DBT: variants seen among roughly 807,000 people sequenced by gnomAD.
DBT encodes the protein lipoamide acyltransferase component of branched-chain alpha-keto acid dehydrogenase complex, mitochondrial.
A neutral mutation model predicts 51.3 loss-of-function variants in DBT; 40 were observed. That is an observed-to-expected ratio of 0.78 (90% CI 0.61 to 1.02). DBT has a LOEUF of 1.02. DBT is among the 50% of genes least tolerant of loss of function. The probability of loss-of-function intolerance (pLI) is 0.00; values close to 1 mark genes in which losing one functional copy is unlikely to be tolerated. For missense variants in DBT, 510 were observed against 580.2 expected, an observed-to-expected ratio of 0.88 and a Z score of 1.24; for synonymous variants, 181 against 190.4, an observed-to-expected ratio of 0.95 and a Z score of 0.41.
In DBT at chr1:100,217,264, T is replaced by A. The variant is rs137909793; in HGVS notation, c.556-1065A>T. On this transcript the variant is annotated intron_variant, in intron 5 of 10. Transcript: ENST00000370132. ...TTCTATATATTTCTTTCTATATTAT[T>A]AAGAAAAAAATTATTAAAATGCTTT... 9.2e-5 allele frequency among the ~76,000 whole-genome samples: 14 copies of A among 152,228 alleles called. No homozygotes were observed. The East Asian group carries it at 2.5e-3, about 27-fold the overall frequency.
At chr1:100,215,947 A>G in intron 6 of DBT, 36 bp downstream of exon 6, 1 of 1,242,838 alleles carries the variant, frequency 8.0e-7, no homozygotes. Flanking sequence ...AAATAAATGA[A>G]CTATTGCCTT....
chr1:100,247,979 G>A (rs1664645612), intron 1 of DBT, among the ~76,000 whole-genome samples: 1 of 151,856 alleles, frequency 6.6e-6, no homozygotes, highest in African/African-American at 2.4e-5. Flanking sequence ...GCGTGTGCCT[G>A]TAGTCCCAGA....
At chr1:100,215,078 A>G (rs1051889072) in intron 6 of DBT, 95 bp from the exon 7 acceptor site, 1 of 866,882 alleles carries the variant, frequency 1.2e-6, no homozygotes, top group Non-Finnish European at 1.8e-6. Context: ...AAGGTTCTCT[A>G]ATGTCTTTTA....
Position 100,249,826 on chromosome 1 carries a change from C to G in DBT, c.-6G>C, listed in dbSNP as rs757532741. ...AGCATACGGACTGCAGCCATCTTAC[C>G]CCGGAAATGACAACAGTGCCGCAAA... On this transcript the variant is annotated 5_prime_UTR_variant, in exon 1 of 11. Coordinates refer to ENST00000370132, the MANE Select transcript of DBT (RefSeq NM_001918.5). The G allele has an allele frequency of 1.2e-6, 2 of 1,614,186 alleles. No individual in the cohort carries two copies. Among genetic ancestry groups the G allele is most frequent in the Non-Finnish European group, 1.7e-6 (2 of 1,180,008 alleles).
At chr1:100,218,298 C>T (rs770760014) in intron 5 of DBT, among the ~76,000 whole-genome samples, 4 of 152,150 alleles carry the variant, frequency 2.6e-5, no homozygotes, top group Non-Finnish European at 4.4e-5. Flanking sequence ...GTTTTCCCTC[C>T]TTCAAATTCC....
At chr1:100,246,265 T>A (rs962464339) in intron 1 of DBT, among the ~76,000 whole-genome samples, 1 of 151,654 alleles carries the variant, frequency 6.6e-6, no homozygotes, top group African/African-American at 2.4e-5. Flanking sequence ...TCAAAAAAAA[T>A]AAAAATAAAA....
chr1:100,230,828 C>A lies in DBT; in HGVS notation c.338G>T (p.Arg113Leu), dbSNP rs372328685. Residue 113 changes from arginine to leucine, a missense_variant, in exon 4 of 11, where the codon CGT (arginine) becomes CTT (leucine). Physicochemically the swap from Arg to Leu is moderately radical, Grantham distance 102. Coordinates refer to ENST00000370132, the MANE Select transcript of DBT (RefSeq NM_001918.5). ...SDKASVTITSRYDGVIKKLYY... is the reference protein window; with the variant it reads ...SDKASVTITSLYDGVIKKLYY... ...GAGTTTTTTAATGACTCCATCATAA[C>A]GACTAGTGATGGTAACAGAAGCTTT... 1.9e-6 allele frequency: 3 copies of A among 1,599,274 alleles called. No homozygotes were observed. Among genetic ancestry groups the A allele is most frequent in the Non-Finnish European group, 2.6e-6 (3 of 1,166,694 alleles).
chr1:100,219,530 G>A (rs981363184), intron 4 of DBT, among the ~76,000 whole-genome samples: 1 of 152,028 alleles, frequency 6.6e-6, no homozygotes, highest in African/African-American at 2.4e-5. Flanking sequence ...ACTTACTTGA[G>A]CCTAGGAGTT....
At chr1:100,233,821 G>GGA (rs572137189) in intron 3 of DBT, among the ~76,000 whole-genome samples, 126 of 152,248 alleles carry the variant, frequency 8.3e-4, no homozygotes, top group African/African-American at 2.9e-3. Flanking sequence ...CAAAGGTAGA[G>GGA]GAGAACAAAG....
chr1:100,200,791 C>T (rs1661390477), intron 10 of DBT, among the ~76,000 whole-genome samples: 1 of 152,214 alleles, frequency 6.6e-6, no homozygotes, highest in African/African-American at 2.4e-5. Context: ...CCCCAGCAAA[C>T]TCCAGCAGAC....
intron 10 of DBT, among the ~76,000 whole-genome samples, chr1:100,202,519 A>G (rs1316107622): frequency 6.6e-6 from 1 of 152,168 alleles, no homozygotes; most frequent in Non-Finnish European, 1.5e-5. Flanking sequence ...AGACAGAACA[A>G]TGAGACAGAA....
In DBT at chr1:100,187,116, T is replaced by C. The variant is rs1660600139; in HGVS notation, c.*9139A>G. Reference sequence around the variant, plus strand: ...TGAATGAAGTGGTTACCATATTTTTTCCCATTGTGTAAAGATAGTTCTCAT... The same window carrying C: ...TGAATGAAGTGGTTACCATATTTTTCCCCATTGTGTAAAGATAGTTCTCAT... On this transcript the variant is annotated 3_prime_UTR_variant, in exon 11 of 11. Transcript: ENST00000370132. 6.6e-6 allele frequency: 1 copy of C among 152,210 alleles called. No individual in the cohort carries two copies. The highest frequency in any genetic ancestry group is 2.4e-5 in the African/African-American group (1 of 41,458). 9.4% of individuals were successfully genotyped at this position (152,210 alleles called of 1,614,324 possible). A position where few individuals can be genotyped will look rare whatever the true frequency, so the allele number is the denominator to read the frequency against.
intron 4 of DBT, among the ~76,000 whole-genome samples, chr1:100,219,117 C>T (rs1300089118): frequency 6.6e-6 from 1 of 152,062 alleles, no homozygotes; most frequent in Non-Finnish European, 1.5e-5. Context: ...TTTGGGAGGT[C>T]AAGGCAGAAG....
intron 7 of DBT, among the ~76,000 whole-genome samples, chr1:100,212,721 C>T (rs2085889937): frequency 6.6e-6 from 1 of 152,164 alleles, no homozygotes; most frequent in African/African-American, 2.4e-5. Context: ...CAGAAGGAGT[C>T]TGTACCTGAC....
At chr1:100,209,080 T>C (rs1419546163) in intron 8 of DBT, among the ~76,000 whole-genome samples, 2 of 116,510 alleles carry the variant, frequency 1.7e-5, no homozygotes, top group African/African-American at 6.1e-5. Flanking sequence ...TGTTTTCTTT[T>C]TTCTTTTCTT....
At position 100,240,859 on chromosome 1, in the gene DBT, CAT is replaced by C. The variant is rs768832921; in HGVS notation, c.75_76del (p.Cys26TrpfsTer2). Reference sequence around the variant, plus strand: ...TGGCTTCAAAACATGAACATTACCACATGTTTGAAAATAGCGAACACAAATCT... The same window carrying C: ...TGGCTTCAAAACATGAACATTACCACGTTTGAAAATAGCGAACACAAATCT... On this transcript the variant is annotated frameshift_variant, in exon 2 of 11. Transcript: ENST00000370132. LOFTEE classifies it high-confidence loss of function. The C allele has an allele frequency of 5.1e-5, 82 of 1,613,208 alleles. No individual in the cohort carries two copies. Among genetic ancestry groups the C allele is most frequent in the East Asian group, 6.7e-5 (3 of 44,798 alleles).
rs543075641 is a variant in DBT, at chr1:100,191,624, T to C, written c.*4631A>G. The stretch of plus-strand genomic sequence containing the variant: ...GAATGAGGATGGCTGACTCCTAGGC[T>C]CCAAAGGTGACTAAGACTCAAGTGT... On this transcript the variant is annotated 3_prime_UTR_variant, in exon 11 of 11. Coordinates refer to ENST00000370132, the MANE Select transcript of DBT (RefSeq NM_001918.5). The C allele has an allele frequency of 6.6e-6, 1 of 152,334 alleles. No homozygotes were observed. The highest frequency in any genetic ancestry group is 2.4e-5 in the African/African-American group (1 of 41,562). 9.4% of individuals were successfully genotyped at this position (152,334 alleles called of 1,614,324 possible).
intron 4 of DBT, among the ~76,000 whole-genome samples, chr1:100,229,038 C>T (rs1663372569): frequency 6.6e-6 from 1 of 152,144 alleles, no homozygotes; most frequent in Non-Finnish European, 1.5e-5. Context: ...AGTAGGAAGC[C>T]TTCAATAAAT....
chr1:100,219,943 G>A lies in DBT; in HGVS notation c.434-1196C>T, dbSNP rs115986573. ...GAGAATTGCTTGAGGCCAGGAGTTCGAGATCAGCCAGGGCAACATAGGGAG... is the reference window on the plus strand; with the variant it reads ...GAGAATTGCTTGAGGCCAGGAGTTCAAGATCAGCCAGGGCAACATAGGGAG... On this transcript the variant is annotated intron_variant, in intron 4 of 10. Transcript: ENST00000370132. Among the ~76,000 whole-genome samples the A allele has an allele frequency of 3.0e-3, 462 of 152,116 alleles. 5 individuals carry two copies. Among genetic ancestry groups the A allele is most frequent in the Non-Finnish European group, 4.9e-3 (333 of 67,984 alleles).
Sources: allele counts gnomAD v4.1 joint callset (sites outside exome capture counted in the v4.1 genomes callset), GRCh38; gene constraint gnomAD v4.1.1; transcripts MANE v1.5; gene names NCBI Gene and HGNC (gene_info 2026-07-23, HGNC 2026-07-21).